Variants in DNAH2 observed in about 807,000 individuals in gnomAD.
DNAH2 encodes the protein axonemal beta dynein heavy chain 2.
DNAH2 carries 323 observed loss-of-function variants against 523.5 expected under a neutral mutation model. That is an observed-to-expected ratio of 0.62 (90% CI 0.56 to 0.68). DNAH2 has a LOEUF of 0.68. Ranked by LOEUF, DNAH2 falls within the 30% of genes least tolerant of loss-of-function variation. DNAH2 has a pLI of 0.00. For missense variants in DNAH2, 4,907 were observed against 5,701.5 expected, an observed-to-expected ratio of 0.86 and a Z score of 4.49; for synonymous variants, 2,093 against 2,177.4, an observed-to-expected ratio of 0.96 and a Z score of 1.08.
chr17:7,787,282 C>T (rs1368569748), intron 42 of DNAH2: 5 of 556,154 alleles, frequency 9.0e-6, no homozygotes, highest in East Asian at 6.0e-5. Flanking sequence ...CGGCCCTCCT[C>T]GGCTCGTTCT....
chr17:7,722,935 T>C (rs921002527), intron 2 of DNAH2, among the ~76,000 whole-genome samples: 12 of 150,094 alleles, frequency 8.0e-5, no homozygotes, highest in African/African-American at 3.0e-4. Flanking sequence ...TGTTTAGCTT[T>C]CTTTCTTTTC....
At position 7,780,158 on chromosome 17, in the gene DNAH2, C is replaced by A. The variant is rs2076563900; in HGVS notation, c.5724C>A (p.Gly1908=). The A allele has an allele frequency of 6.2e-7, 1 of 1,609,558 alleles. No individual in the cohort carries two copies. The highest frequency in any genetic ancestry group is 1.7e-5 in the Admixed American group (1 of 58,260). ...SCGIFITMNP[G]YAGRTELPEN... ...TAAGCAAGTGGCATTGTTTTCCAGG[C>A]TATGCTGGCCGCACAGAGCTTCCCG... Residue 1908 remains glycine (G), a splice_region_variant and synonymous_variant, in exon 37 of 86, where the codon GGC becomes GGA. Coordinates refer to ENST00000572933, the MANE Select transcript of DNAH2 (RefSeq NM_020877.5). The surrounding 1 kb of genome is among the most constrained non-coding windows in gnomAD (Gnocchi z 4.4).
chr17:7,812,747 CCT>C (rs2077550641), intron 63 of DNAH2, among the ~76,000 whole-genome samples: 1 of 138,164 alleles, frequency 7.2e-6, no homozygotes, highest in Admixed American at 8.0e-5. Flanking sequence ...ATGGTGAAAC[CCT>C]GTCTCTACTA....
At position 7,759,792 on chromosome 17, in the gene DNAH2, T is replaced by A; in HGVS notation, c.2639T>A (p.Val880Glu). The A allele has an allele frequency of 6.2e-7, 1 of 1,614,118 alleles. No homozygotes were observed. The highest frequency in any genetic ancestry group is 8.5e-7 in the Non-Finnish European group (1 of 1,179,988). ...CCATCTCCACTGGGTTCCTCACAGG[T>A]GGAATTCTCACCCACTCTGCAGACT... is the stretch of plus-strand genomic sequence containing the variant. ...KNDLQGSVAQ[V>E]EFSPTLQTLA... Residue 880 changes from valine (V) to glutamate (E), a missense_variant and splice_region_variant, in exon 17 of 86, where the codon GTG becomes GAG. Around this residue, in one of 3 missense-constraint regions of DNAH2, gnomAD observed 2,806 missense variants for 3,190.8 expected, o/e 0.88. Transcript: ENST00000572933.
chr17:7,751,301 C>G (rs1456896279), intron 12 of DNAH2, among the ~76,000 whole-genome samples: 1 of 152,126 alleles, frequency 6.6e-6, no homozygotes, highest in Non-Finnish European at 1.5e-5. Context: ...CCATGTTGGC[C>G]AGGCTGGTCT....
chr17:7,775,766 C>T (rs2076434854), intron 30 of DNAH2, among the ~76,000 whole-genome samples: 1 of 151,830 alleles, frequency 6.6e-6, no homozygotes, highest in Non-Finnish European at 1.5e-5. Flanking sequence ...CTTTAAATGG[C>T]CGTTAGTCAC....
chr17:7,818,813 T>A, intron 70 of DNAH2, 37 bp downstream of exon 70: 3 of 1,612,746 alleles, frequency 1.9e-6, no homozygotes, highest in Non-Finnish European at 2.5e-6. Flanking sequence ...GCCCCACGGG[T>A]CTACTCCCAG....
chr17:7,798,120 A>G lies in DNAH2; in HGVS notation c.8231-37A>G, dbSNP rs767693968. On this transcript the variant is annotated intron_variant, in intron 53 of 85. Transcript: ENST00000572933. This position sits in a 1 kb window ranked among gnomAD's most constrained non-coding sequence, Gnocchi z 5.5. ...GCCTGGAGGTCCCCTGAGTTTGCTCAGCCAACTCATTACCCTCACACCCAC... is the reference window on the plus strand; with the variant it reads ...GCCTGGAGGTCCCCTGAGTTTGCTCGGCCAACTCATTACCCTCACACCCAC... The G allele has an allele frequency of 1.3e-6, 2 of 1,545,564 alleles. No homozygotes were observed. The highest frequency in any genetic ancestry group is 1.7e-6 in the Non-Finnish European group (2 of 1,142,992).
At position 7,824,559 on chromosome 17, in the gene DNAH2, C is replaced by T. The variant is rs1208418880; in HGVS notation, c.11685C>T (p.Asn3895=). The change falls in exon 77 of 86, where the codon AAC becomes AAT. Residue 3895 remains asparagine (N), a synonymous_variant. Coordinates refer to ENST00000572933, the MANE Select transcript of DNAH2 (RefSeq NM_020877.5). ...VTQGHWVFLA[N]CHLSLSWMPN... ...CAGGACACTGGGTGTTCCTGGCAAA[C>T]TGCCACCTGTCACTGTCTTGGATGC... 5 of 1,572,848 alleles carry T rather than the reference C, an allele frequency of 3.2e-6. No homozygotes were observed. Among genetic ancestry groups the T allele is most frequent in the Non-Finnish European group, 4.3e-6 (5 of 1,152,712 alleles).
chr17:7,771,118 GTTC>G lies in DNAH2; in HGVS notation c.4362+190_4362+192del, dbSNP rs1308297187. ...TAGATTCCCTCCGTAACAAGTTTTT[GTTC>G]TTCTCAGATTTTTCTTCCATTTTTC... is the stretch of plus-strand genomic sequence containing the variant. On this transcript the variant is annotated intron_variant, in intron 27 of 85. Transcript: ENST00000572933. 3.3e-5 allele frequency among the ~76,000 whole-genome samples: 5 copies of G among 152,106 alleles called. No homozygotes were observed. In the East Asian group the frequency reaches 9.6e-4, roughly 29 times the overall value.
chr17:7,815,044 C>A (rs2077621319), intron 63 of DNAH2, among the ~76,000 whole-genome samples: 1 of 152,228 alleles, frequency 6.6e-6, no homozygotes, highest in South Asian at 2.1e-4. Flanking sequence ...TCTGGAACTC[C>A]TGACCTGGTG....
intron 51 of DNAH2, 26 bp downstream of exon 51, chr17:7,797,287 C>G (rs374781485): frequency 6.2e-7 from 1 of 1,613,816 alleles, no homozygotes; most frequent in South Asian, 1.1e-5. Context: ...CCTGGCCAAA[C>G]GAAGGCTTCC....
chr17:7,721,961 C>T (rs1381520831), intron 2 of DNAH2, among the ~76,000 whole-genome samples: 2 of 152,124 alleles, frequency 1.3e-5, no homozygotes, highest in Admixed American at 6.5e-5. Flanking sequence ...CAGTACTAAC[C>T]GCCTTCATTC....
At chr17:7,809,735 A>G (rs1355606665) in intron 63 of DNAH2, among the ~76,000 whole-genome samples, 1 of 152,016 alleles carries the variant, frequency 6.6e-6, no homozygotes, top group Admixed American at 6.6e-5. Context: ...GAGGGTCCAC[A>G]CCCACACTTG....
chr17:7,792,915 A>G, intron 47 of DNAH2, 60 bp downstream of exon 47: 1 of 1,602,698 alleles, frequency 6.2e-7, no homozygotes, highest in Non-Finnish European at 8.5e-7. Flanking sequence ...TGCCTGCCTG[A>G]CCCTCCTCTC....
In DNAH2 at chr17:7,794,282, C is replaced by T. The variant is rs1567711177; in HGVS notation, c.7598C>T (p.Pro2533Leu). The change falls in exon 49 of 86, where the codon CCC becomes CTC. Residue 2533 changes from proline (P) to leucine (L), a missense_variant. Pro to Leu is a moderately conservative substitution (Grantham distance 98, BLOSUM62 -3). Coordinates refer to ENST00000572933, the MANE Select transcript of DNAH2 (RefSeq NM_020877.5). ...ATGTTCCTGATGGCTGCCATGGGCC[C>T]CCCTGGGGGTGGACGGACTGTCATC... ...REMFLMAAMG[P>L]PGGGRTVISP... 6.2e-7 allele frequency: 1 copy of T among 1,609,264 alleles called. No individual in the cohort carries two copies. The highest frequency in any genetic ancestry group is 8.5e-7 in the Non-Finnish European group (1 of 1,177,972).
Position 7,786,267 on chromosome 17 carries a change from T to A in DNAH2, c.6273T>A (p.Thr2091=), listed in dbSNP as rs2076730731. ...TGGGCTGCACGGGCAGCGGCAAGAC[T>A]GCCTCATGGCGCATTCTACAGGCCT... is the stretch of plus-strand genomic sequence containing the variant. The part of the protein sequence containing the change: ...MIVGCTGSGK[T]ASWRILQASL... Residue 2091 remains threonine (T), a synonymous_variant, in exon 40 of 86, where the codon ACT becomes ACA. Coordinates refer to ENST00000572933, the MANE Select transcript of DNAH2 (RefSeq NM_020877.5). The surrounding 1 kb of genome is among the most constrained non-coding windows in gnomAD (Gnocchi z 7.5). 2 of 1,613,942 alleles carry A rather than the reference T, an allele frequency of 1.2e-6. No homozygotes were observed. The highest frequency in any genetic ancestry group is 2.2e-5 in the South Asian group (2 of 91,082).
At position 7,816,739 on chromosome 17, in the gene DNAH2, A is replaced by G. The variant is rs77879165; in HGVS notation, c.9894+4A>G. ...CAGATGGGAGGAGACAGTCCAGGTG[A>G]GATCAGCTGTACTACCTGGTGTCCT... is the stretch of plus-strand genomic sequence containing the variant. On this transcript the variant is annotated splice_donor_region_variant and intron_variant, in intron 64 of 85. Coordinates refer to ENST00000572933, the MANE Select transcript of DNAH2 (RefSeq NM_020877.5). The G allele has an allele frequency of 0.012, 19,382 of 1,612,940 alleles. 1,085 individuals carry two copies. In the Admixed American group the frequency reaches 0.15, roughly 12 times the overall value.
chr17:7,808,903 C>T (rs950409106), intron 63 of DNAH2, among the ~76,000 whole-genome samples: 3 of 152,210 alleles, frequency 2.0e-5, no homozygotes, highest in African/African-American at 7.2e-5. Context: ...AGCCACTGCC[C>T]CCAGCCTGCA....
Sources: allele counts gnomAD v4.1 joint callset (sites outside exome capture counted in the v4.1 genomes callset), GRCh38; gene constraint gnomAD v4.1.1; regional missense constraint gnomAD v4.1.1; non-coding constraint Gnocchi (gnomAD v3.1); transcripts MANE v1.5; gene names NCBI Gene and HGNC (gene_info 2026-07-23, HGNC 2026-07-21).